SPATA17: variants seen among roughly 807,000 people sequenced by gnomAD.
The protein encoded by SPATA17 is spermatogenesis associated 17.
Under a neutral mutation model 62.2 loss-of-function variants are expected in SPATA17, and 53 were observed. The ratio of observed to expected loss-of-function variants is 0.85; its 90% CI spans 0.68 to 1.07. The LOEUF (loss-of-function observed/expected upper bound fraction) is 1.07. SPATA17 is among the 50% of genes least tolerant of loss of function. The pLI is 0.00. For synonymous variants in SPATA17, 146 were observed against 146.8 expected (o/e 0.99, Z 0.04); for missense variants, 466 against 425.5 (o/e 1.10, Z -0.84).
In SPATA17 at chr1:217,683,243, T is replaced by C. The variant is rs1671137770; in HGVS notation, c.292-15T>C. 1 of 1,550,302 alleles carries C rather than the reference T, an allele frequency of 6.5e-7. No homozygotes were observed. The highest frequency in any genetic ancestry group is 1.4e-5 in the African/African-American group (1 of 72,068). On this transcript the variant is annotated splice_polypyrimidine_tract_variant and intron_variant, in intron 4 of 10. Coordinates refer to ENST00000366933, the MANE Select transcript of SPATA17 (RefSeq NM_138796.4). ...TGTTTAATGGCATATTTTATCTCTT[T>C]ATTTACTTTAATAGATTCAGAGACG...
intron 5 of SPATA17, among the ~76,000 whole-genome samples, chr1:217,735,633 G>A (rs912725614): frequency 1.3e-5 from 2 of 152,040 alleles, no homozygotes; most frequent in Non-Finnish European, 2.9e-5. Flanking sequence ...GAGAAATAAA[G>A]GATTCATAAT....
intron 9 of SPATA17, among the ~76,000 whole-genome samples, chr1:217,851,900 T>A (rs1346326590): frequency 6.6e-6 from 1 of 152,220 alleles, no homozygotes; most frequent in Non-Finnish European, 1.5e-5. Context: ...CCTTCATTTG[T>A]TAGCTATGCC....
At chr1:217,763,290 A>C (rs942410503) in intron 6 of SPATA17, among the ~76,000 whole-genome samples, 1 of 152,206 alleles carries the variant, frequency 6.6e-6, no homozygotes, top group African/African-American at 2.4e-5. Flanking sequence ...AGAATAGGAC[A>C]GTCTAATTTA....
intron 6 of SPATA17, among the ~76,000 whole-genome samples, chr1:217,744,793 G>A (rs917138511): frequency 2.6e-5 from 4 of 152,098 alleles, no homozygotes; most frequent in Admixed American, 2.6e-4. Context: ...CCCACTAAGG[G>A]TAATATATTA....
chr1:217,679,988 G>C (rs1671040792), intron 4 of SPATA17, among the ~76,000 whole-genome samples: 1 of 151,964 alleles, frequency 6.6e-6, no homozygotes, highest in South Asian at 2.1e-4. Flanking sequence ...TGCATCTTTT[G>C]TGTTTTCTGG....
At chr1:217,808,865 A>G (rs1674511560) in intron 9 of SPATA17, among the ~76,000 whole-genome samples, 1 of 152,062 alleles carries the variant, frequency 6.6e-6, no homozygotes, top group Non-Finnish European at 1.5e-5. Context: ...AAAAAAAAAA[A>G]AAAGTAAAAT....
intron 5 of SPATA17, among the ~76,000 whole-genome samples, chr1:217,733,015 GA>G (rs368658947): frequency 1.9e-4 from 28 of 150,126 alleles, no homozygotes; most frequent in African/African-American, 4.9e-4. Context: ...GCCAGAAGCA[GA>G]AAAAAAAATG....
At chr1:217,843,950 T>C (rs1675467582) in intron 9 of SPATA17, among the ~76,000 whole-genome samples, 1 of 152,132 alleles carries the variant, frequency 6.6e-6, no homozygotes, top group Admixed American at 6.6e-5. Flanking sequence ...AAGTAAAAAG[T>C]GTGGATCCAG....
chr1:217,779,561 A>AC (rs1673682908), intron 7 of SPATA17, among the ~76,000 whole-genome samples: 1 of 149,538 alleles, frequency 6.7e-6, no homozygotes, highest in Non-Finnish European at 1.5e-5. Flanking sequence ...TTTTCTTAAC[A>AC]CCTTCTCCTC....
At position 217,742,025 on chromosome 1, in the gene SPATA17, C is replaced by A. The variant is rs747368883; in HGVS notation, c.446C>A (p.Ala149Asp). ...AEMKEREEKK[A>D]NLEREEKKRD... The stretch of plus-strand genomic sequence containing the variant: ...ATGAAAGAAAGAGAAGAGAAGAAGG[C>A]TAACCTCGAAAGGGAAGAGAAGAAA... Residue 149 changes from alanine (A) to aspartate (D), a missense_variant, in exon 6 of 11, where the codon GCT (alanine) becomes GAT (aspartate). Coordinates refer to ENST00000366933, the MANE Select transcript of SPATA17 (RefSeq NM_138796.4). 1 of 1,613,966 alleles carries A rather than the reference C, an allele frequency of 6.2e-7. No homozygotes were observed. The highest frequency in any genetic ancestry group is 1.1e-5 in the South Asian group (1 of 91,074).
chr1:217,635,926 A>C (rs1669926294), intron 1 of SPATA17, among the ~76,000 whole-genome samples: 1 of 151,920 alleles, frequency 6.6e-6, no homozygotes, highest in Admixed American at 6.6e-5. Context: ...CGAGGTCAGG[A>C]ATTCGAGACC....
intron 3 of SPATA17, chr1:217,665,402 C>G (rs562862097): frequency 6.6e-6 from 1 of 151,982 alleles, no homozygotes; most frequent in East Asian, 1.9e-4. Context: ...TTGATAAAAG[C>G]AATACTTTAC....
In SPATA17 at chr1:217,868,350, C is replaced by T. The variant is rs191946197; in HGVS notation, c.*1331C>T. Reference sequence around the variant, plus strand: ...ATACATATACTCCTCCTCTTATAATCGGTTATGTGCCAATAAATCCATTGT... The same window carrying T: ...ATACATATACTCCTCCTCTTATAATTGGTTATGTGCCAATAAATCCATTGT... On this transcript the variant is annotated 3_prime_UTR_variant, in exon 11 of 11. Transcript: ENST00000366933. The T allele has an allele frequency of 5.9e-5, 9 of 152,042 alleles. No homozygotes were observed. The highest frequency in any genetic ancestry group is 1.7e-4 in the African/African-American group (7 of 41,416). The allele number at this position is 152,042 out of a possible 1,614,324, so 9.4% of individuals were successfully genotyped here. A position where few individuals can be genotyped will look rare whatever the true frequency, so the allele number is the denominator to read the frequency against.
chr1:217,734,374 G>T (rs12410847), intron 5 of SPATA17, among the ~76,000 whole-genome samples: 35,333 of 151,994 alleles, frequency 0.23, 4,437 homozygotes, highest in African/African-American at 0.32. Context: ...ATTTTAATTT[G>T]TTTAATTTTT....
intron 6 of SPATA17, among the ~76,000 whole-genome samples, chr1:217,752,069 C>T (rs773550723): frequency 2.0e-5 from 3 of 152,124 alleles, no homozygotes; most frequent in South Asian, 4.1e-4. Flanking sequence ...TACAGAGTCT[C>T]GCTCTGTCAC....
At chr1:217,724,334 G>T (rs1200832071) in intron 5 of SPATA17, among the ~76,000 whole-genome samples, 4 of 152,094 alleles carry the variant, frequency 2.6e-5, no homozygotes, top group Non-Finnish European at 4.4e-5. Context: ...GGGTGTGGTG[G>T]CTCGGCCTTT....
intron 5 of SPATA17, among the ~76,000 whole-genome samples, chr1:217,684,644 G>C (rs1571729578): frequency 1.3e-5 from 2 of 152,220 alleles, no homozygotes; most frequent in East Asian, 3.9e-4. Flanking sequence ...TTGAACTCCT[G>C]ACCTCAGGTG....
At chr1:217,719,497 A>T (rs1365674415) in intron 5 of SPATA17, among the ~76,000 whole-genome samples, 2 of 152,216 alleles carry the variant, frequency 1.3e-5, no homozygotes, top group Non-Finnish European at 2.9e-5. Flanking sequence ...TAACAGATGC[A>T]ACAATGGTAC....
chr1:217,778,905 T>A (rs1430413869), intron 7 of SPATA17, among the ~76,000 whole-genome samples: 2 of 152,150 alleles, frequency 1.3e-5, no homozygotes, highest in Non-Finnish European at 2.9e-5. Flanking sequence ...ACCATCTTCA[T>A]TCCCTACATG....
Sources: allele counts gnomAD v4.1 joint callset (sites outside exome capture counted in the v4.1 genomes callset), GRCh38; gene constraint gnomAD v4.1.1; transcripts MANE v1.5; gene names NCBI Gene and HGNC (gene_info 2026-07-23, HGNC 2026-07-21).